The following IGFL4 variants were observed in gnomAD, a reference collection of about 807,000 sequenced individuals.
IGFL4 encodes the protein IGF like family member 4.
A neutral mutation model predicts 15.4 loss-of-function variants in IGFL4; 12 were observed. The ratio of observed to expected loss-of-function variants is 0.78; its 90% CI spans 0.50 to 1.26. IGFL4 has a LOEUF of 1.26. IGFL4 is among the 50% of genes most tolerant of loss of function. The pLI, the probability that IGFL4 is intolerant of heterozygous loss-of-function variation, is 0.00. For missense variants in IGFL4, 126 were observed against 147.8 expected (o/e 0.85, Z 0.76); for synonymous variants, 54 against 55.9 (o/e 0.97, Z 0.16).
chr19:46,069,680 C>T (rs1015954362), intron 1 of IGFL4, among the ~76,000 whole-genome samples: 2 of 152,218 alleles, frequency 1.3e-5, no homozygotes, highest in Admixed American at 6.5e-5. Flanking sequence ...TTTCATTTGT[C>T]TTCTTTTTGA....
Position 46,040,877 on chromosome 19 carries a change from G to A in IGFL4, c.19+67C>T, listed in dbSNP as rs1306431773. 1.4e-6 allele frequency: 2 copies of A among 1,420,506 alleles called. No individual in the cohort carries two copies. The highest frequency in any genetic ancestry group is 2.8e-5 in the African/African-American group (2 of 70,726). 88.0% of individuals were successfully genotyped at this position (1,420,506 alleles called of 1,614,324 possible). On this transcript the variant is annotated intron_variant, in intron 1 of 3. Transcript: ENST00000377697. The surrounding 1 kb of genome is among the most constrained non-coding windows in gnomAD (Gnocchi z 4.1). ...TAGGGAAGAGAGAATTAACTTTGAA[G>A]TTCAGAAATAATTAGGGATGTGATA... is the stretch of plus-strand genomic sequence containing the variant.
At chr19:46,075,483 A>T (rs969549086) in intron 1 of IGFL4, among the ~76,000 whole-genome samples, 1 of 152,280 alleles carries the variant, frequency 6.6e-6, no homozygotes, top group Admixed American at 6.5e-5. Flanking sequence ...TCTGAAGGGC[A>T]CTGGTAAGGT....
chr19:46,068,966 C>G (rs1295684769), intron 1 of IGFL4, among the ~76,000 whole-genome samples: 2 of 152,172 alleles, frequency 1.3e-5, no homozygotes, highest in Non-Finnish European at 2.9e-5. Flanking sequence ...TGATTAGGGA[C>G]AGGAGAGCAT....
intron 2 of IGFL4, among the ~76,000 whole-genome samples, chr19:46,056,928 A>T (rs982507195): frequency 6.6e-6 from 1 of 152,116 alleles, no homozygotes; most frequent in Non-Finnish European, 1.5e-5. Context: ...CACCCCAGTC[A>T]CTCACTTTTG....
chr19:46,054,196 G>C (rs773139072), intron 2 of IGFL4, among the ~76,000 whole-genome samples: 3 of 152,082 alleles, frequency 2.0e-5, no homozygotes, highest in Non-Finnish European at 4.4e-5. Flanking sequence ...CTAATATCCT[G>C]AAGCATTTTC....
In IGFL4 at chr19:46,040,644, G is replaced by A. The variant is rs557848924; in HGVS notation, c.20-76C>T. On this transcript the variant is annotated intron_variant, in intron 1 of 3. Transcript: ENST00000377697. The surrounding 1 kb of genome is among the most constrained non-coding windows in gnomAD (Gnocchi z 4.1). ...CCACGGGGCACAGGATGATGTCTCT[G>A]AGCTTCTCTGGTTGCTGTTAACAGC... 6.6e-7 allele frequency: 1 copy of A among 1,512,068 alleles called. No homozygotes were observed. Among genetic ancestry groups the A allele is most frequent in the Non-Finnish European group, 9.2e-7 (1 of 1,092,680 alleles). The allele number at this position is 1,512,068 out of a possible 1,614,324, so 93.7% of individuals were successfully genotyped here.
intron 1 of IGFL4, among the ~76,000 whole-genome samples, chr19:46,072,277 T>G (rs1969553769): frequency 6.6e-6 from 1 of 152,062 alleles, no homozygotes; most frequent in Non-Finnish European, 1.5e-5. Context: ...AGGATCTGAG[T>G]ATAGCACAGC....
chr19:46,063,335 G>GCACA (rs5828265), intron 1 of IGFL4, among the ~76,000 whole-genome samples: 8,405 of 147,138 alleles, frequency 0.057, 266 homozygotes, highest in South Asian at 0.1. Context: ...ACACACGCAT[G>GCACA]CACACACACA....
At chr19:46,041,253 G>A (rs1969240332), upstream of IGFL4, 1 of 388,704 alleles carries the variant, frequency 2.6e-6, no homozygotes, top group South Asian at 9.2e-5. Context: ...TCTGCTGAGT[G>A]TCTTTCTTTG....
chr19:46,073,505 G>A (rs1373226194), intron 1 of IGFL4, among the ~76,000 whole-genome samples: 1 of 152,152 alleles, frequency 6.6e-6, no homozygotes, highest in African/African-American at 2.4e-5. Context: ...AACCAGCCAG[G>A]TGCTGCACCA....
chr19:46,051,236 C>T (rs1312090163), intron 2 of IGFL4, among the ~76,000 whole-genome samples: 1 of 152,170 alleles, frequency 6.6e-6, no homozygotes, highest in East Asian at 1.9e-4. Flanking sequence ...ACAAATCTTA[C>T]AGGACCTATA....
At position 46,040,427 on chromosome 19, in the gene IGFL4, C is replaced by T. The variant is rs769378155; in HGVS notation, c.71-11G>A. ...GCCACAGTCTAAGATCTGGAAGAGT[C>T]GGGGCTGGATGGGCTGCAAGGACCA... On this transcript the variant is annotated splice_polypyrimidine_tract_variant and intron_variant, in intron 2 of 3. Transcript: ENST00000377697. This position sits in a 1 kb window ranked among gnomAD's most constrained non-coding sequence, Gnocchi z 4.1. 8.1e-6 allele frequency: 13 copies of T among 1,613,630 alleles called. No homozygotes were observed. The highest frequency in any genetic ancestry group is 2.7e-5 in the African/African-American group (2 of 74,902).
intron 1 of IGFL4, among the ~76,000 whole-genome samples, chr19:46,071,623 G>A (rs1236452587): frequency 1.3e-5 from 2 of 152,202 alleles, no homozygotes; most frequent in Non-Finnish European, 2.9e-5. Context: ...TGCTGATCAT[G>A]GACACCAGCA....
chr19:46,040,604 G>A lies in IGFL4; in HGVS notation c.20-36C>T. The A allele has an allele frequency of 6.2e-7, 1 of 1,610,824 alleles. No homozygotes were observed. The highest frequency in any genetic ancestry group is 8.5e-7 in the Non-Finnish European group (1 of 1,177,374). On this transcript the variant is annotated intron_variant, in intron 1 of 3. Coordinates refer to ENST00000377697, the MANE Select transcript of IGFL4 (RefSeq NM_001002923.3). The surrounding 1 kb of genome is among the most constrained non-coding windows in gnomAD (Gnocchi z 4.1). The stretch of plus-strand genomic sequence containing the variant: ...GAAGGAGAGCGAGAATGATTCTGAG[G>A]TCACTAGGTCTTGACCACGGGGCAC...
intron 2 of IGFL4, among the ~76,000 whole-genome samples, chr19:46,051,437 C>G (rs954647721): frequency 2.0e-5 from 3 of 152,102 alleles, no homozygotes; most frequent in Non-Finnish European, 4.4e-5. Flanking sequence ...CCCAGCTACT[C>G]AGGAGGCTGA....
At chr19:46,053,770 T>A (rs1027770543) in intron 2 of IGFL4, among the ~76,000 whole-genome samples, 1 of 152,198 alleles carries the variant, frequency 6.6e-6, no homozygotes, top group Admixed American at 6.5e-5. Context: ...TTTCTCTGCA[T>A]CCTTGCCAGC....
intron 1 of IGFL4, chr19:46,062,701 TGTG>T (rs1969455578): frequency 6.6e-6 from 1 of 152,332 alleles, no homozygotes; most frequent in Non-Finnish European, 1.5e-5. Context: ...AAGCATTGCC[TGTG>T]GCAGGGTAGG....
chr19:46,069,570 A>G (rs1969526415), intron 1 of IGFL4, among the ~76,000 whole-genome samples: 1 of 152,166 alleles, frequency 6.6e-6, no homozygotes, highest in Non-Finnish European at 1.5e-5. Flanking sequence ...CTTATAAATA[A>G]GATATCATAC....
intron 1 of IGFL4, among the ~76,000 whole-genome samples, chr19:46,069,351 A>C (rs1308241623): frequency 6.6e-6 from 1 of 152,210 alleles, no homozygotes; most frequent in African/African-American, 2.4e-5. Flanking sequence ...AATATCACCT[A>C]AAATAATAAT....
Sources: allele counts gnomAD v4.1 joint callset (sites outside exome capture counted in the v4.1 genomes callset), GRCh38; gene constraint gnomAD v4.1.1; non-coding constraint Gnocchi (gnomAD v3.1); transcripts MANE v1.5; gene names NCBI Gene and HGNC (gene_info 2026-07-23, HGNC 2026-07-21).